Variants in CSMD3 observed in about 807,000 individuals in gnomAD.
CSMD3 encodes the protein CUB and sushi domain-containing protein 3.
In CSMD3, 177 loss-of-function variants were observed where a neutral mutation model predicts 435.2. That is an observed-to-expected ratio of 0.41 (90% CI 0.36 to 0.46). CSMD3 has a LOEUF of 0.46. Among genes scored for constraint, CSMD3 ranks in the 20% least tolerant of loss-of-function variants. The probability of loss-of-function intolerance (pLI) is 0.34; values close to 1 mark genes in which losing one functional copy is unlikely to be tolerated. For missense variants in CSMD3, 4,265 were observed against 4,504.6 expected, an observed-to-expected ratio of 0.95 and a Z score of 1.52; for synonymous variants, 1,656 against 1,520.5, an observed-to-expected ratio of 1.09 and a Z score of -2.07.
At chr8:113,048,083 C>CTTTTTTTTTTTT (rs35254619) in intron 5 of CSMD3, among the ~76,000 whole-genome samples, 1 of 106,948 alleles carries the variant, frequency 9.4e-6, no homozygotes, top group Non-Finnish European at 1.8e-5. Context: ...AACTTCAATT[C>CTTTTTTTTTTTT]TTTTTTTTTT....
intron 11 of CSMD3, among the ~76,000 whole-genome samples, chr8:112,831,653 T>G (rs1375985602): frequency 1.3e-5 from 2 of 151,866 alleles, no homozygotes; most frequent in East Asian, 3.9e-4. Context: ...GTGACACAAC[T>G]GTTTGTGTTT....
At chr8:112,684,296 T>C (rs184611635) in intron 15 of CSMD3, among the ~76,000 whole-genome samples, 1 of 152,192 alleles carries the variant, frequency 6.6e-6, no homozygotes, top group African/African-American at 2.4e-5. Context: ...TTAACTTTAA[T>C]AATATGCAAT....
At chr8:112,750,955 G>A (rs938280313) in intron 13 of CSMD3, among the ~76,000 whole-genome samples, 3 of 151,658 alleles carry the variant, frequency 2.0e-5, no homozygotes, top group African/African-American at 7.3e-5. Context: ...ATTTTTCCAA[G>A]ACATCTGTTC....
chr8:113,161,278 T>C lies in CSMD3; in HGVS notation c.709+12444A>G, dbSNP rs149976380. Among the ~76,000 whole-genome samples the C allele has an allele frequency of 2.9e-3, 446 of 152,246 alleles. 3 individuals are homozygous for C. The highest frequency in any genetic ancestry group is 0.01 in the African/African-American group (426 of 41,566). ...CATCATTGGAAAGTTGCAAAGGTTCTAGAATATCAGAAAGCTGTTACAGAA... is the reference window on the plus strand; with the variant it reads ...CATCATTGGAAAGTTGCAAAGGTTCCAGAATATCAGAAAGCTGTTACAGAA... On this transcript the variant is annotated intron_variant, in intron 4 of 70. Coordinates refer to ENST00000297405, the MANE Select transcript of CSMD3 (RefSeq NM_198123.2).
At chr8:112,799,677 T>C (rs2078914966) in intron 13 of CSMD3, among the ~76,000 whole-genome samples, 1 of 152,016 alleles carries the variant, frequency 6.6e-6, no homozygotes, top group Admixed American at 6.6e-5. Flanking sequence ...TTGATCTGTA[T>C]CTTTACTGAC....
At chr8:112,365,140 T>A (rs1827641756) in intron 38 of CSMD3, among the ~76,000 whole-genome samples, 1 of 152,032 alleles carries the variant, frequency 6.6e-6, no homozygotes, top group African/African-American at 2.4e-5. Flanking sequence ...TCCACCAATA[T>A]CTGGTATGTT....
intron 5 of CSMD3, among the ~76,000 whole-genome samples, chr8:113,088,355 A>G (rs2089878277): frequency 6.6e-6 from 1 of 150,672 alleles, no homozygotes; most frequent in South Asian, 2.1e-4. Context: ...CCATCCCATT[A>G]CTGGGTATAT....
intron 3 of CSMD3, among the ~76,000 whole-genome samples, chr8:113,261,188 A>G (rs1000267050): frequency 3.9e-5 from 6 of 152,138 alleles, no homozygotes; most frequent in Non-Finnish European, 8.8e-5. Flanking sequence ...TCAATATGGA[A>G]TGAAACATGG....
At chr8:112,965,248 T>A (rs188527082) in intron 7 of CSMD3, among the ~76,000 whole-genome samples, 30 of 152,080 alleles carry the variant, frequency 2.0e-4, no homozygotes, top group African/African-American at 6.0e-4. Context: ...CATTCACAGG[T>A]AAAAGAAGCT....
chr8:112,232,550 A>G (rs1813188728), intron 68 of CSMD3, among the ~76,000 whole-genome samples: 1 of 152,174 alleles, frequency 6.6e-6, no homozygotes, highest in Admixed American at 6.5e-5. Flanking sequence ...TAGAGGTTGT[A>G]GTGAGCTGAG....
intron 17 of CSMD3, among the ~76,000 whole-genome samples, chr8:112,660,587 T>G (rs2131679379): frequency 6.6e-6 from 1 of 152,204 alleles, no homozygotes; most frequent in South Asian, 2.1e-4. Context: ...TAGCTCCAAT[T>G]CAATAATCTT....
chr8:112,865,946 TG>T (rs1385258057), intron 10 of CSMD3, among the ~76,000 whole-genome samples: 2 of 152,148 alleles, frequency 1.3e-5, no homozygotes, highest in Non-Finnish European at 2.9e-5. Flanking sequence ...TTTTCCCCTT[TG>T]GGCTTTGGTA....
intron 61 of CSMD3, among the ~76,000 whole-genome samples, chr8:112,261,854 G>A (rs1027466237): frequency 2.0e-5 from 3 of 151,510 alleles, no homozygotes; most frequent in African/African-American, 7.3e-5. Flanking sequence ...CTCCTGAGAG[G>A]AAATAGCTGT....
chr8:112,439,748 G>A (rs1814780555), intron 32 of CSMD3, among the ~76,000 whole-genome samples: 1 of 152,050 alleles, frequency 6.6e-6, no homozygotes, highest in South Asian at 2.1e-4. Context: ...AAGAAGTGCA[G>A]AGCAAAGGGG....
intron 13 of CSMD3, among the ~76,000 whole-genome samples, chr8:112,709,298 C>A (rs575141436): frequency 6.6e-6 from 1 of 151,942 alleles, no homozygotes; most frequent in Non-Finnish European, 1.5e-5. Context: ...TTAACCAGTA[C>A]GACTTTTATA....
At chr8:112,979,497 A>C (rs1298536099) in intron 6 of CSMD3, among the ~76,000 whole-genome samples, 1 of 151,650 alleles carries the variant, frequency 6.6e-6, no homozygotes, top group East Asian at 1.9e-4. Flanking sequence ...AAAAATACTC[A>C]AAATTTTTGA....
At chr8:113,248,462 G>A (rs1021925377) in intron 3 of CSMD3, among the ~76,000 whole-genome samples, 1 of 188 alleles carries the variant, frequency 5.3e-3, no homozygotes, top group African/African-American at 0.017. Context: ...ATATATGTGT[G>A]TGTGTGATAT....
chr8:112,525,897 T>A (rs1436098992), intron 27 of CSMD3, among the ~76,000 whole-genome samples: 3 of 141,666 alleles, frequency 2.1e-5, no homozygotes, highest in Non-Finnish European at 4.5e-5. Flanking sequence ...TATATATATT[T>A]TATATATGTA....
intron 23 of CSMD3, among the ~76,000 whole-genome samples, chr8:112,578,454 G>T (rs934894403): frequency 6.6e-6 from 1 of 151,772 alleles, no homozygotes; most frequent in African/African-American, 2.4e-5. Context: ...GCCTAACATA[G>T]CAGTCTCTAC....
Sources: gnomAD v4.1 joint callset for allele counts (sites outside exome capture counted in the v4.1 genomes callset) on GRCh38, gnomAD v4.1.1 for gene constraint, MANE v1.5 for transcripts, NCBI Gene and HGNC (gene_info 2026-07-23, HGNC 2026-07-21) for gene names.